Variants in HGD observed in about 807,000 individuals in gnomAD.
HGD encodes the protein homogentisate 1,2-dioxygenase, also known as homogentisate oxidase.
A neutral mutation model predicts 60.8 loss-of-function variants in HGD; 61 were observed. The ratio of observed to expected loss-of-function variants is 1.00; its 90% CI spans 0.82 to 1.24. The LOEUF (loss-of-function observed/expected upper bound fraction) is 1.24, where lower values mean the gene tolerates loss of function less well. Ranked by LOEUF, HGD falls within the 50% of genes most tolerant of loss-of-function variation. The pLI is 0.00. For synonymous variants in HGD, 212 were observed against 187.7 expected (o/e 1.13, Z -1.06); for missense variants, 542 against 547.1 (o/e 0.99, Z 0.09).
At chr3:120,647,661 C>T (rs1466789874) in intron 7 of HGD, among the ~76,000 whole-genome samples, 2 of 152,044 alleles carry the variant, frequency 1.3e-5, no homozygotes, top group Non-Finnish European at 2.9e-5. Context: ...AAGAGATGGG[C>T]AAAGACAGAG....
At chr3:120,665,128 G>T (rs1256165505) in intron 4 of HGD, among the ~76,000 whole-genome samples, 8 of 152,210 alleles carry the variant, frequency 5.3e-5, no homozygotes, top group Non-Finnish European at 5.9e-5. Context: ...TTTCAGGATG[G>T]CAAAACCTGG....
chr3:120,642,716 A>G (rs1281548500), intron 10 of HGD, among the ~76,000 whole-genome samples: 1 of 152,218 alleles, frequency 6.6e-6, no homozygotes, highest in East Asian at 1.9e-4. Flanking sequence ...ACAGGAACTG[A>G]GGTCATATGG....
chr3:120,649,596 A>AG, intron 6 of HGD, among the ~76,000 whole-genome samples: 1 of 152,216 alleles, frequency 6.6e-6, no homozygotes, highest in East Asian at 1.9e-4. Context: ...TGTGACTGTC[A>AG]TTTTTGTGCA....
intron 12 of HGD, among the ~76,000 whole-genome samples, chr3:120,635,801 A>G (rs377210212): frequency 7.7e-4 from 118 of 152,276 alleles, no homozygotes; most frequent in African/African-American, 2.8e-3. Context: ...GCAAGTCTGA[A>G]CTACAAATAA....
intron 4 of HGD, among the ~76,000 whole-genome samples, chr3:120,662,688 T>C (rs1392328975): frequency 6.6e-6 from 1 of 152,164 alleles, no homozygotes; most frequent in Non-Finnish European, 1.5e-5. Context: ...GATTATTTCT[T>C]ATCAACAACT....
At chr3:120,671,431 G>A (rs1224939908) in intron 3 of HGD, among the ~76,000 whole-genome samples, 1 of 151,990 alleles carries the variant, frequency 6.6e-6, no homozygotes, top group Non-Finnish European at 1.5e-5. Flanking sequence ...ATTACTTGTA[G>A]AAGTCCTTTA....
intron 4 of HGD, among the ~76,000 whole-genome samples, chr3:120,660,788 G>C (rs1406047633): frequency 6.6e-6 from 1 of 152,118 alleles, no homozygotes; most frequent in Non-Finnish European, 1.5e-5. Context: ...TCACAACACT[G>C]TACTCCAGCC....
At chr3:120,666,716 A>T (rs1224359377) in intron 4 of HGD, among the ~76,000 whole-genome samples, 1 of 151,972 alleles carries the variant, frequency 6.6e-6, no homozygotes, top group Non-Finnish European at 1.5e-5. Flanking sequence ...TCCTGACCTC[A>T]GGTAAGGCTG....
intron 13 of HGD, 149 bp from the exon 14 acceptor site, chr3:120,628,678 C>G (rs1164927787): frequency 4.2e-6 from 4 of 944,394 alleles, no homozygotes; most frequent in South Asian, 1.4e-5. Flanking sequence ...AGAGCAGGCT[C>G]AAGCCCTGAG....
At chr3:120,635,717 C>T (rs1331690548) in intron 12 of HGD, among the ~76,000 whole-genome samples, 1 of 152,020 alleles carries the variant, frequency 6.6e-6, no homozygotes, top group South Asian at 2.1e-4. Context: ...TTTATAAGAT[C>T]TACCCTGGGG....
intron 11 of HGD, among the ~76,000 whole-genome samples, 178 bp from the exon 12 acceptor site, chr3:120,638,759 T>C (rs1940867204): frequency 4.6e-5 from 7 of 152,176 alleles, no homozygotes. Context: ...CATGGGTATA[T>C]TGTGTGATAC....
At chr3:120,674,686 C>G (rs1425489140) in intron 3 of HGD, 4 of 521,680 alleles carry the variant, frequency 7.7e-6, no homozygotes, top group Non-Finnish European at 1.1e-5. Context: ...TGTATTTTCC[C>G]AGCTCTGTGC....
chr3:120,651,817 A>G (rs537756459), intron 5 of HGD, among the ~76,000 whole-genome samples: 2 of 152,280 alleles, frequency 1.3e-5, no homozygotes, highest in African/African-American at 2.4e-5. Context: ...AGAGCTTCCA[A>G]TCAGCATTGT....
chr3:120,629,609 G>T (rs1192708721), intron 13 of HGD, among the ~76,000 whole-genome samples: 1 of 152,076 alleles, frequency 6.6e-6, no homozygotes, highest in Non-Finnish European at 1.5e-5. Context: ...AATAAACTAG[G>T]CATTGAAGGA....
intron 4 of HGD, among the ~76,000 whole-genome samples, chr3:120,664,061 G>C (rs1707840430): frequency 6.6e-6 from 1 of 152,040 alleles, no homozygotes; most frequent in African/African-American, 2.4e-5. Flanking sequence ...CTCCAGTATT[G>C]CCATGGAGGT....
At chr3:120,676,604 T>C (rs1708135539) in intron 1 of HGD, among the ~76,000 whole-genome samples, 1 of 152,210 alleles carries the variant, frequency 6.6e-6, no homozygotes, top group Non-Finnish European at 1.5e-5. Context: ...TCTTGGCTCA[T>C]AGAAGGTAAT....
At chr3:120,671,902 C>T (rs932841938) in intron 3 of HGD, among the ~76,000 whole-genome samples, 1 of 151,756 alleles carries the variant, frequency 6.6e-6, no homozygotes, top group African/African-American at 2.4e-5. Context: ...AAACCAAACA[C>T]TGCATGTTCT....
chr3:120,650,678 C>T, intron 6 of HGD, 96 bp downstream of exon 6: 1 of 839,858 alleles, frequency 1.2e-6, no homozygotes, highest in Non-Finnish European at 2.1e-6. Context: ...TATGTATGTG[C>T]ATATGTGACT....
In HGD at chr3:120,663,905, C is replaced by T. The variant is rs928150752; in HGVS notation, c.282+6522G>A. Among the ~76,000 whole-genome samples the T allele has an allele frequency of 3.3e-4, 50 of 151,610 alleles. 1 individual carries two copies. Among genetic ancestry groups the T allele is most frequent in the Admixed American group, 2.2e-3 (33 of 15,168 alleles). ...AAAAATAATCTAAGACTGCATTACA[C>T]CATCAGCTTAATTATAGTAAATATA... On this transcript the variant is annotated intron_variant, in intron 4 of 13. Transcript: ENST00000283871.
Sources: gnomAD v4.1 joint callset for allele counts (sites outside exome capture counted in the v4.1 genomes callset) on GRCh38, gnomAD v4.1.1 for gene constraint, MANE v1.5 for transcripts, NCBI Gene and HGNC (gene_info 2026-07-23, HGNC 2026-07-21) for gene names.